The following SCP2 variants were observed in gnomAD, a reference collection of about 807,000 sequenced individuals.
SCP2 encodes the protein sterol carrier protein 2.
SCP2 carries 48 observed loss-of-function variants against 71.4 expected under a neutral mutation model. That is an observed-to-expected ratio of 0.67 (90% CI 0.53 to 0.86). SCP2 has a LOEUF of 0.86. Among genes scored for constraint, SCP2 ranks in the 40% least tolerant of loss-of-function variants. SCP2 has a pLI of 0.00. For synonymous variants in SCP2, 220 were observed against 218.1 expected, an observed-to-expected ratio of 1.01 and a Z score of -0.08; for missense variants, 560 against 655.6, an observed-to-expected ratio of 0.85 and a Z score of 1.59.
chr1:52,998,744 G>T (rs1011380270), intron 11 of SCP2, among the ~76,000 whole-genome samples: 1 of 152,184 alleles, frequency 6.6e-6, no homozygotes, highest in Non-Finnish European at 1.5e-5. Context: ...CTTCAGAAAA[G>T]ATTGTTATCG....
At chr1:52,941,216 A>G (rs1190554841) in intron 1 of SCP2, among the ~76,000 whole-genome samples, 3 of 152,142 alleles carry the variant, frequency 2.0e-5, no homozygotes, top group Admixed American at 2.0e-4. Context: ...CTTAATTTAA[A>G]TGGCAGTTTC....
intron 11 of SCP2, among the ~76,000 whole-genome samples, chr1:52,988,618 T>C (rs1437326210): frequency 6.6e-6 from 1 of 152,064 alleles, no homozygotes; most frequent in African/African-American, 2.4e-5. Context: ...TACAATGTGG[T>C]TTCTGTTTTT....
intron 11 of SCP2, chr1:52,994,106 T>C: frequency 9.3e-7 from 1 of 1,071,154 alleles, no homozygotes; most frequent in African/African-American, 1.7e-5. Context: ...CTGCCTTTGG[T>C]AAATAGACTA....
intron 5 of SCP2, among the ~76,000 whole-genome samples, chr1:52,958,420 G>A (rs1345656549): frequency 1.3e-5 from 2 of 151,928 alleles, no homozygotes; most frequent in Non-Finnish European, 2.9e-5. Context: ...TAGTAGAGAC[G>A]GGGTTTTACC....
At chr1:52,963,402 A>T (rs889813088) in intron 6 of SCP2, among the ~76,000 whole-genome samples, 5 of 151,970 alleles carry the variant, frequency 3.3e-5, no homozygotes, top group African/African-American at 1.2e-4. Flanking sequence ...TATAGTCTGC[A>T]GCATATTTAA....
At chr1:52,995,556 C>T (rs1659875044) in intron 11 of SCP2, 3 of 455,832 alleles carry the variant, frequency 6.6e-6, no homozygotes, top group African/African-American at 2.0e-5. Flanking sequence ...CTAGCAGCAT[C>T]GAGCTTTCAC....
intron 14 of SCP2, among the ~76,000 whole-genome samples, chr1:53,039,354 T>G (rs1663256902): frequency 6.6e-6 from 1 of 152,220 alleles, no homozygotes; most frequent in South Asian, 2.1e-4. Flanking sequence ...TTCTCTTCTG[T>G]AAATGGGCTT....
chr1:53,038,397 C>T (rs1476578021), intron 13 of SCP2, among the ~76,000 whole-genome samples: 1 of 151,950 alleles, frequency 6.6e-6, no homozygotes, highest in Non-Finnish European at 1.5e-5. Flanking sequence ...CCAGTTGTAT[C>T]TAAAAAGCCC....
intron 11 of SCP2, among the ~76,000 whole-genome samples, chr1:53,012,791 C>A (rs1661067185): frequency 6.6e-6 from 1 of 152,182 alleles, no homozygotes; most frequent in Non-Finnish European, 1.5e-5. Context: ...TGATTATTCC[C>A]ATTTTTACAT....
intron 3 of SCP2, among the ~76,000 whole-genome samples, chr1:52,948,821 A>G (rs1655037511): frequency 6.6e-6 from 1 of 152,226 alleles, no homozygotes; most frequent in Non-Finnish European, 1.5e-5. Context: ...TAATTGCCAC[A>G]ATCCAGTTAA....
Position 52,959,272 on chromosome 1 carries a change from C to T in SCP2, c.397-2231C>T, listed in dbSNP as rs142767525. On this transcript the variant is annotated intron_variant, in intron 5 of 15. Coordinates refer to ENST00000371514, the MANE Select transcript of SCP2 (RefSeq NM_002979.5). ...GTACAATGGTGCAGTCTTGGCTCACCGCAACCTCCACCTCCCAGGTTCAAG... is the reference window on the plus strand; with the variant it reads ...GTACAATGGTGCAGTCTTGGCTCACTGCAACCTCCACCTCCCAGGTTCAAG... Among the ~76,000 whole-genome samples, 1,058 of 151,708 alleles carry T rather than the reference C, an allele frequency of 7.0e-3. 15 individuals are homozygous for T. Among genetic ancestry groups the T allele is most frequent in the African/African-American group, 0.025 (1,018 of 41,362 alleles).
At chr1:52,946,310 C>T (rs1654789745) in intron 2 of SCP2, among the ~76,000 whole-genome samples, 1 of 152,032 alleles carries the variant, frequency 6.6e-6, no homozygotes, top group African/African-American at 2.4e-5. Flanking sequence ...CTCACTGTAG[C>T]CTTGACCTCC....
chr1:52,973,758 C>T (rs764257963), intron 6 of SCP2, among the ~76,000 whole-genome samples: 25 of 152,028 alleles, frequency 1.6e-4, no homozygotes, highest in African/African-American at 2.7e-4. Context: ...GTTTTTACTA[C>T]GCCTGGCTAA....
chr1:52,946,877 C>T (rs978215074), intron 2 of SCP2, among the ~76,000 whole-genome samples: 56 of 150,992 alleles, frequency 3.7e-4, no homozygotes, highest in East Asian at 7.8e-4. Context: ...GCCAACATGG[C>T]GAAATCCCCT....
At chr1:53,030,184 G>A (rs942304703) in intron 13 of SCP2, among the ~76,000 whole-genome samples, 4 of 152,140 alleles carry the variant, frequency 2.6e-5, no homozygotes, top group East Asian at 3.9e-4. Flanking sequence ...CATCGTGCCC[G>A]GCCGTTTACC....
intron 13 of SCP2, among the ~76,000 whole-genome samples, chr1:53,032,685 A>G (rs1272155910): frequency 5.3e-5 from 8 of 152,246 alleles, no homozygotes; most frequent in Non-Finnish European, 1.2e-4. Context: ...GACAGACTTC[A>G]TCCTGTTGGC....
At chr1:52,974,942 A>G (rs1657818420) in intron 7 of SCP2, 110 bp downstream of exon 7, 1 of 713,464 alleles carries the variant, frequency 1.4e-6, no homozygotes, top group Non-Finnish European at 2.6e-6. Flanking sequence ...TTTAACTAGA[A>G]TGTTTTATTT....
chr1:53,027,305 T>C lies in SCP2; in HGVS notation c.1236-664T>C, dbSNP rs538072692. 4.7e-4 allele frequency among the ~76,000 whole-genome samples: 72 copies of C among 152,168 alleles called. 1 individual carries two copies. The Middle Eastern group carries it at 0.02, about 43-fold the overall frequency. ...CCTGAGCTCAAGCGATCTGTCCGCC[T>C]TGGCCTCCCAAAGTGTAGGATTACA... On this transcript the variant is annotated intron_variant, in intron 12 of 15. Coordinates refer to ENST00000371514, the MANE Select transcript of SCP2 (RefSeq NM_002979.5).
intron 13 of SCP2, among the ~76,000 whole-genome samples, chr1:53,033,668 A>T (rs1219402245): frequency 6.6e-6 from 1 of 152,062 alleles, no homozygotes; most frequent in African/African-American, 2.4e-5. Context: ...AAAAGACAAT[A>T]ACAATTGTTT....
Sources: allele counts gnomAD v4.1 joint callset (sites outside exome capture counted in the v4.1 genomes callset), GRCh38; gene constraint gnomAD v4.1.1; transcripts MANE v1.5; gene names NCBI Gene and HGNC (gene_info 2026-07-23, HGNC 2026-07-21).